GAS7: variants seen among roughly 807,000 people sequenced by gnomAD.
The protein encoded by GAS7 is growth arrest-specific protein 7.
In GAS7, 28 loss-of-function variants were observed where a neutral mutation model predicts 71.1. The observed-to-expected ratio is 0.39, with a 90% CI of 0.29 to 0.54. The LOEUF is 0.54. Ranked by LOEUF, GAS7 falls within the 20% of genes least tolerant of loss-of-function variation. The pLI is 0.62. For synonymous variants in GAS7, 258 were observed against 245.8 expected (o/e 1.05, Z -0.46); for missense variants, 436 against 627.8 (o/e 0.69, Z 3.27).
chr17:9,923,822 A>G lies in GAS7; in HGVS notation c.1138+1654T>C, dbSNP rs977818114. Among the ~76,000 whole-genome samples, 3 of 152,226 alleles carry G rather than the reference A, an allele frequency of 2.0e-5. No individual in the cohort carries two copies. In the East Asian group the frequency reaches 5.8e-4, roughly 29 times the overall value. On this transcript the variant is annotated intron_variant, in intron 11 of 13. Coordinates refer to ENST00000432992, the MANE Select transcript of GAS7 (RefSeq NM_201433.2). ...AGGCACACACAAAGATGCAGGTACA[A>G]TAACACAGCTTCACTGGCTGGCAAG...
chr17:10,131,272 G>A (rs576287305), intron 1 of GAS7, among the ~76,000 whole-genome samples: 5 of 152,306 alleles, frequency 3.3e-5, no homozygotes, highest in South Asian at 2.1e-4. Flanking sequence ...TGAACACAGC[G>A]GGGCCTGATA....
rs957582424 is a variant in GAS7 at position 10,169,293 on chromosome 17, A to T, written c.183+28915T>A. 3.7e-4 allele frequency among the ~76,000 whole-genome samples: 56 copies of T among 152,212 alleles called. 1 individual carries two copies. Among genetic ancestry groups the T allele is most frequent in the Admixed American group, 3.7e-3 (56 of 15,270 alleles). On this transcript the variant is annotated intron_variant, in intron 1 of 13. Coordinates refer to ENST00000432992, the MANE Select transcript of GAS7 (RefSeq NM_201433.2). ...AAAAAAAAAATTAATTAATAATTTTAAAAGTTCACATTTACACTCAGCACA... is the reference window on the plus strand; with the variant it reads ...AAAAAAAAAATTAATTAATAATTTTTAAAGTTCACATTTACACTCAGCACA...
At chr17:10,171,079 G>T (rs531996236) in intron 1 of GAS7, among the ~76,000 whole-genome samples, 2 of 152,188 alleles carry the variant, frequency 1.3e-5, no homozygotes, top group African/African-American at 4.8e-5. Context: ...CACTTGAGCC[G>T]CAAAGAATCC....
intron 1 of GAS7, among the ~76,000 whole-genome samples, chr17:10,153,309 G>A (rs1323488619): frequency 2.0e-5 from 3 of 151,862 alleles, no homozygotes; most frequent in Non-Finnish European, 4.4e-5. Context: ...AGACCAGCCT[G>A]GCCAAGAGAC....
intron 1 of GAS7, among the ~76,000 whole-genome samples, chr17:10,130,038 G>A (rs551449864): frequency 1.1e-3 from 171 of 151,444 alleles, no homozygotes; most frequent in Non-Finnish European, 1.8e-3. Context: ...GTGTGGTGGC[G>A]CGCGCCTGTA....
rs35971157 is a variant in GAS7 at position 10,197,403 on chromosome 17, A to ACC, written c.183+803_183+804dup. ...AGTAAAGGGGATGTCCTGGAAGGTC[A>ACC]CCCCCCCACACACAAAGGACTTTAG... is the stretch of plus-strand genomic sequence containing the variant. On this transcript the variant is annotated intron_variant, in intron 1 of 13. Coordinates refer to ENST00000432992, the MANE Select transcript of GAS7 (RefSeq NM_201433.2). 5.5e-4 allele frequency among the ~76,000 whole-genome samples: 83 copies of ACC among 151,838 alleles called. 1 individual carries two copies. The highest frequency in any genetic ancestry group is 5.0e-3 in the South Asian group (24 of 4,802).
rs530675228 is a variant in GAS7, at chr17:10,103,449, G to C, written c.184-83552C>G. On this transcript the variant is annotated intron_variant, in intron 1 of 13. Transcript: ENST00000432992. The surrounding 1 kb of genome is among the most constrained non-coding windows in gnomAD (Gnocchi z 5.5). ...AGCGACCCTACTCTAGCTGCCCAGT[G>C]AGACTGTTTTCCATTTTCCAAAACA... 6.6e-6 allele frequency among the ~76,000 whole-genome samples: 1 copy of C among 152,242 alleles called. No individual in the cohort carries two copies. The highest frequency in any genetic ancestry group is 2.1e-4 in the South Asian group (1 of 4,822).
chr17:10,070,242 G>A (rs976601425), intron 1 of GAS7, among the ~76,000 whole-genome samples: 18 of 149,832 alleles, frequency 1.2e-4, no homozygotes, highest in Non-Finnish European at 1.9e-4. Flanking sequence ...TCATTTATTC[G>A]CCAACTTTTG....
chr17:10,045,173 C>T (rs1418659335), intron 1 of GAS7, among the ~76,000 whole-genome samples: 2 of 151,910 alleles, frequency 1.3e-5, no homozygotes, highest in African/African-American at 2.4e-5. Context: ...GGATCACAGG[C>T]ACACAAGGAC....
In GAS7 at chr17:9,982,792, AGAAAGGAAAGAAAGGAAAGAAAG is replaced by A. The variant is rs1567852878; in HGVS notation, c.305-931_305-909del. Among the ~76,000 whole-genome samples, 39 of 86,848 alleles carry A rather than the reference AGAAAGGAAAGAAAGGAAAGAAAG, an allele frequency of 4.5e-4. 1 individual carries two copies. Among genetic ancestry groups the A allele is most frequent in the African/African-American group, 2.3e-3 (37 of 16,240 alleles). 57.0% of individuals were successfully genotyped at this position (86,848 alleles called of 152,430 possible). A position where few individuals can be genotyped will look rare whatever the true frequency, so the allele number is the denominator to read the frequency against. On this transcript the variant is annotated intron_variant, in intron 2 of 13. Transcript: ENST00000432992. Reference sequence around the variant, plus strand: ...CTCTGCCTCAAAAAAAAAGAAAGAAAGAAAGGAAAGAAAGGAAAGAAAGGAAAGAAAGGAAAGAAAGAAAGAAA... The same window carrying A: ...CTCTGCCTCAAAAAAAAAGAAAGAAAGAAAGAAAGGAAAGAAAGAAAGAAA...
intron 1 of GAS7, among the ~76,000 whole-genome samples, chr17:10,048,099 C>T (rs960906301): frequency 2.6e-5 from 4 of 152,164 alleles, no homozygotes; most frequent in African/African-American, 9.7e-5. Flanking sequence ...GTCAGGAGTT[C>T]AAGGCTAGCC....
chr17:10,096,393 G>A (rs910780859), intron 1 of GAS7, among the ~76,000 whole-genome samples: 6 of 152,130 alleles, frequency 3.9e-5, no homozygotes, highest in East Asian at 1.9e-4. Context: ...CCAGGGGAGG[G>A]TGTCCTCACT....
intron 2 of GAS7, among the ~76,000 whole-genome samples, chr17:10,009,703 A>G (rs2071691652): frequency 6.6e-6 from 1 of 151,558 alleles, no homozygotes; most frequent in African/African-American, 2.4e-5. Flanking sequence ...AACAAAAAAT[A>G]AAACACTTTT....
intron 2 of GAS7, among the ~76,000 whole-genome samples, chr17:10,007,006 T>C (rs559315915): frequency 2.6e-5 from 4 of 152,354 alleles, no homozygotes; most frequent in African/African-American, 9.6e-5. Flanking sequence ...CATGTTTACC[T>C]ATTTAAAGAA....
intron 1 of GAS7, among the ~76,000 whole-genome samples, chr17:10,097,168 C>A (rs569956764): frequency 2.0e-5 from 3 of 152,348 alleles, no homozygotes; most frequent in Admixed American, 6.5e-5. Flanking sequence ...TCACCTTCCT[C>A]TCCCTTCTCT....
At chr17:10,012,094 A>G (rs1448937481) in intron 2 of GAS7, among the ~76,000 whole-genome samples, 1 of 152,154 alleles carries the variant, frequency 6.6e-6, no homozygotes. Flanking sequence ...AAGAAGTAAA[A>G]TCTTGACTAA....
chr17:9,970,106 CG>C lies in GAS7; in HGVS notation c.386-345del, dbSNP rs533715340. Reference sequence around the variant, plus strand: ...CAGTTGTAGTTACAAATGCCAGTCACGGGTCCAATCTCCCTCCGTAGAGTCG... The same window carrying C: ...CAGTTGTAGTTACAAATGCCAGTCACGGTCCAATCTCCCTCCGTAGAGTCG... On this transcript the variant is annotated intron_variant, in intron 3 of 13. Transcript: ENST00000432992. 8.3e-4 allele frequency among the ~76,000 whole-genome samples: 126 copies of C among 152,266 alleles called. 3 individuals are homozygous for C. The South Asian group carries it at 0.025, about 30-fold the overall frequency.
intron 1 of GAS7, among the ~76,000 whole-genome samples, chr17:10,117,043 A>C (rs1162685847): frequency 6.6e-6 from 1 of 152,168 alleles, no homozygotes; most frequent in Admixed American, 6.5e-5. Context: ...ATTATCTTAC[A>C]GTTCTGGAGG....
chr17:10,040,699 G>A (rs894939114), intron 1 of GAS7, among the ~76,000 whole-genome samples: 4 of 152,014 alleles, frequency 2.6e-5, no homozygotes, highest in Admixed American at 6.6e-5. Context: ...CACATCCAGC[G>A]GTGGGGAGTC....
Sources: allele counts gnomAD v4.1 joint callset (sites outside exome capture counted in the v4.1 genomes callset), GRCh38; gene constraint gnomAD v4.1.1; non-coding constraint Gnocchi (gnomAD v3.1); transcripts MANE v1.5; gene names NCBI Gene and HGNC (gene_info 2026-07-23, HGNC 2026-07-21).